TMEM119: variants seen among roughly 807,000 people sequenced by gnomAD.
TMEM119 encodes transmembrane protein 119, also known as osteoblast induction factor.
For missense variants in TMEM119, 410 were observed against 381.0 expected (o/e 1.08, Z -0.63); for synonymous variants, 182 against 176.4 (o/e 1.03, Z -0.25).
Position 108,592,367 on chromosome 12 carries a change from G to A in TMEM119, c.17C>T (p.Ala6Val). Reference sequence around the variant, plus strand: ...CAACAGAAGGATGAGGAGGCTGGGGGCTGCCGCCGAAACCATGGTGCCCCC... The same window carrying A: ...CAACAGAAGGATGAGGAGGCTGGGGACTGCCGCCGAAACCATGGTGCCCCC... MVSAA[A>V]PSLLILLLLL... is the part of the protein sequence containing the mutation. Residue 6 changes from alanine (A) to valine (V), a missense_variant, in exon 2 of 2, where the codon GCC becomes GTC. Transcript: ENST00000392806. The surrounding 1 kb of genome is among the most constrained non-coding windows in gnomAD (Gnocchi z 4.3). 1 of 1,560,596 alleles carries A rather than the reference G, an allele frequency of 6.4e-7. No homozygotes were observed. Among genetic ancestry groups the A allele is most frequent in the Non-Finnish European group, 8.6e-7 (1 of 1,160,782 alleles).
intron 1 of TMEM119, among the ~76,000 whole-genome samples, chr12:108,595,603 A>T (rs1402159443): frequency 6.6e-6 from 1 of 151,612 alleles, no homozygotes; most frequent in Non-Finnish European, 1.5e-5. Flanking sequence ...TCATACACAC[A>T]TGCACACACC....
In TMEM119 at chr12:108,591,891, C is replaced by G. The variant is rs754509784; in HGVS notation, c.493G>C (p.Ala165Pro). 1.2e-6 allele frequency: 2 copies of G among 1,611,770 alleles called. No homozygotes were observed. Among genetic ancestry groups the G allele is most frequent in the East Asian group, 4.5e-5 (2 of 44,856 alleles). The change falls in exon 2 of 2, where the codon GCC becomes CCC. Residue 165 changes from alanine (A) to proline (P), a missense_variant. By Grantham distance (27) the Ala-to-Pro change is conservative. Transcript: ENST00000392806. The surrounding 1 kb of genome is among the most constrained non-coding windows in gnomAD (Gnocchi z 4.2). ...TGGAGCTGCCGGGAGGAATCCAGGG[C>G]TTCCTCGGGCCTGCTGTCGGGGGCT... is the stretch of plus-strand genomic sequence containing the variant. ...DRAPDSRPEE[A>P]LDSSRQLQAD...
Position 108,591,575 on chromosome 12 carries a change from G to A in TMEM119, c.809C>T (p.Pro270Leu). 2 of 1,612,696 alleles carry A rather than the reference G, an allele frequency of 1.2e-6. No individual in the cohort carries two copies. The highest frequency in any genetic ancestry group is 1.7e-6 in the Non-Finnish European group (2 of 1,179,352). The change falls in exon 2 of 2, where the codon CCC becomes CTC. Residue 270 changes from proline to leucine, a missense_variant. By Grantham distance (98) the Pro-to-Leu change is moderately conservative. Transcript: ENST00000392806. The surrounding 1 kb of genome is among the most constrained non-coding windows in gnomAD (Gnocchi z 4.2). ...AQEAQGPVGP[P>L]ESPCACSSVH... Reference sequence around the variant, plus strand: ...ACTGCTGCAAGCACAGGGGCTTTCGGGGGGACCCACTGGTCCCTGGGCTTC... The same window carrying A: ...ACTGCTGCAAGCACAGGGGCTTTCGAGGGGACCCACTGGTCCCTGGGCTTC...
chr12:108,596,063 G>A (rs1036819425), intron 1 of TMEM119, among the ~76,000 whole-genome samples: 2 of 152,216 alleles, frequency 1.3e-5, no homozygotes, highest in African/African-American at 4.8e-5. Context: ...GGGACAGGGT[G>A]ACCACAGGTA....
At chr12:108,595,959 C>T (rs1264174550) in intron 1 of TMEM119, among the ~76,000 whole-genome samples, 1 of 152,186 alleles carries the variant, frequency 6.6e-6, no homozygotes, top group Admixed American at 6.5e-5. Flanking sequence ...GCTGGAGACC[C>T]ACTCAAGTTC....
Position 108,593,708 on chromosome 12 carries a change from G to A in TMEM119, c.-14-1311C>T, listed in dbSNP as rs569121779. On this transcript the variant is annotated intron_variant, in intron 1 of 1. Coordinates refer to ENST00000392806, the MANE Select transcript of TMEM119 (RefSeq NM_181724.3). ...CCTGCCCTGATGGAAGGCTGCTCCC[G>A]GGTGAACCCCAAGACCCCACCTGGC... Among the ~76,000 whole-genome samples, 7 of 152,320 alleles carry A rather than the reference G, an allele frequency of 4.6e-5. 1 individual carries two copies. In the South Asian group the frequency reaches 8.3e-4, roughly 18 times the overall value.
In TMEM119 at chr12:108,591,894, C is replaced by A; in HGVS notation, c.490G>T (p.Glu164Ter). The change falls in exon 2 of 2, where the codon GAA (glutamate) becomes TAA (stop). Residue 164 changes from glutamate to a stop codon, truncating the protein, a stop_gained. Coordinates refer to ENST00000392806, the MANE Select transcript of TMEM119 (RefSeq NM_181724.3). LOFTEE classifies it low-confidence loss of function (END_TRUNC). The surrounding 1 kb of genome is among the most constrained non-coding windows in gnomAD (Gnocchi z 4.2). The stretch of plus-strand genomic sequence containing the variant: ...AGCTGCCGGGAGGAATCCAGGGCTT[C>A]CTCGGGCCTGCTGTCGGGGGCTCTG... Reference protein sequence around the residue: ...PDRAPDSRPEEALDSSRQLQA... With the variant: ...PDRAPDSRPE 1 of 1,612,232 alleles carries A rather than the reference C, an allele frequency of 6.2e-7. No individual in the cohort carries two copies.
chr12:108,591,524 G>A lies in TMEM119; in HGVS notation c.*8C>T, dbSNP rs754041509. 7 of 1,574,550 alleles carry A rather than the reference G, an allele frequency of 4.4e-6. No homozygotes were observed. Among genetic ancestry groups the A allele is most frequent in the Non-Finnish European group, 5.2e-6 (6 of 1,158,990 alleles). The stretch of plus-strand genomic sequence containing the variant: ...CCGACAGTCAGGGCTGGCAGCCCGG[G>A]AGGACTGTTAGACACTGGGGTGGAC... On this transcript the variant is annotated 3_prime_UTR_variant, in exon 2 of 2. Transcript: ENST00000392806. The surrounding 1 kb of genome is among the most constrained non-coding windows in gnomAD (Gnocchi z 4.2).
At chr12:108,596,548 A>G (rs2031507761) in intron 1 of TMEM119, among the ~76,000 whole-genome samples, 1 of 151,748 alleles carries the variant, frequency 6.6e-6, no homozygotes, top group Admixed American at 6.6e-5. Context: ...GCACCCCACA[A>G]CCCCTCCTGG....
At position 108,591,703 on chromosome 12, in the gene TMEM119, C is replaced by T. The variant is rs112991728; in HGVS notation, c.681G>A (p.Glu227=). 42,276 of 1,613,134 alleles carry T rather than the reference C, an allele frequency of 0.026. 1,392 individuals are homozygous for T. Among genetic ancestry groups the T allele is most frequent in the African/African-American group, 0.14 (10,715 of 74,980 alleles). The change falls in exon 2 of 2, where the codon GAG becomes GAA. Residue 227 remains glutamate, a synonymous_variant. Transcript: ENST00000392806. This position sits in a 1 kb window ranked among gnomAD's most constrained non-coding sequence, Gnocchi z 4.2. The part of the protein sequence containing the change: ...QEVQGHGVPV[E]TPEAQEEPCS... ...ACGGCTCCTCCTGCGCCTCTGGTGT[C>T]TCCACTGGGACCCCATGTCCCTGGA...
At chr12:108,594,907 T>A (rs1300034390) in intron 1 of TMEM119, among the ~76,000 whole-genome samples, 1 of 152,146 alleles carries the variant, frequency 6.6e-6, no homozygotes, top group Non-Finnish European at 1.5e-5. Context: ...TATTAAAATA[T>A]TTCAATTTTT....
At chr12:108,595,351 ACACAATCATACACACATGCACACACAC>A (rs1273323211) in intron 1 of TMEM119, among the ~76,000 whole-genome samples, 1 of 102,978 alleles carries the variant, frequency 9.7e-6, no homozygotes, top group Admixed American at 8.4e-5. Context: ...TGCACAGACT[ACACAATCATACACACATGCACACACAC>A]CACACACAAC....
rs999949987 is a variant in TMEM119, at chr12:108,590,272, A to T, written c.*1260T>A. 2 of 152,164 alleles carry T rather than the reference A, an allele frequency of 1.3e-5. No homozygotes were observed. The highest frequency in any genetic ancestry group is 2.9e-5 in the Non-Finnish European group (2 of 68,040). 9.4% of individuals were successfully genotyped at this position (152,164 alleles called of 1,614,324 possible). A position where few individuals can be genotyped will look rare whatever the true frequency, so the allele number is the denominator to read the frequency against. On this transcript the variant is annotated 3_prime_UTR_variant, in exon 2 of 2. Coordinates refer to ENST00000392806, the MANE Select transcript of TMEM119 (RefSeq NM_181724.3). ...CGGGGGTGCTTGGAGAGCGCTTGAG[A>T]GGATTTAAATGCCCTATACCCCACA...
In TMEM119 at chr12:108,591,727, G is replaced by A. The variant is rs1235857331; in HGVS notation, c.657C>T (p.Val219=). The change falls in exon 2 of 2, where the codon GTC becomes GTT. Residue 219 remains valine (V), a synonymous_variant. Coordinates refer to ENST00000392806, the MANE Select transcript of TMEM119 (RefSeq NM_181724.3). This position sits in a 1 kb window ranked among gnomAD's most constrained non-coding sequence, Gnocchi z 4.2. ...TCTCCACTGGGACCCCATGTCCCTG[G>A]ACTTCCTGGTCCCCCTCCTGGCTGC... ...EKGSQEGDQE[V]QGHGVPVETP... 2 of 1,609,094 alleles carry A rather than the reference G, an allele frequency of 1.2e-6. No individual in the cohort carries two copies. Among genetic ancestry groups the A allele is most frequent in the Non-Finnish European group, 1.7e-6 (2 of 1,177,494 alleles).
intron 1 of TMEM119, among the ~76,000 whole-genome samples, chr12:108,593,451 GA>G (rs75537287): frequency 1.4e-3 from 203 of 141,422 alleles, no homozygotes; most frequent in Middle Eastern, 7.2e-3. Flanking sequence ...ATCTCAAGAA[GA>G]AAAAAAAAAA....
rs1205205407 is a variant in TMEM119 at position 108,598,061 on chromosome 12, C to G, written c.-106G>C. On this transcript the variant is annotated 5_prime_UTR_variant, in exon 1 of 2. Transcript: ENST00000392806. ...GGAAGAGAGAGTCCGTGCTGGTGCC[C>G]GGGGCTGCTCTGGGCTGGCGCCTGC... 1 of 152,500 alleles carries G rather than the reference C, an allele frequency of 6.6e-6. No homozygotes were observed. 9.4% of individuals were successfully genotyped at this position (152,500 alleles called of 1,614,324 possible).
rs1484710500 is a variant in TMEM119, at chr12:108,591,580, A to T, written c.804T>A (p.Gly268=). 7.4e-6 allele frequency: 12 copies of T among 1,612,434 alleles called. No homozygotes were observed. The highest frequency in any genetic ancestry group is 1.0e-5 in the Non-Finnish European group (12 of 1,179,396). Residue 268 remains glycine, a synonymous_variant, in exon 2 of 2, where the codon GGT becomes GGA. Coordinates refer to ENST00000392806, the MANE Select transcript of TMEM119 (RefSeq NM_181724.3). This position sits in a 1 kb window ranked among gnomAD's most constrained non-coding sequence, Gnocchi z 4.2. ...LLAQEAQGPV[G]PPESPCACSS... ...TGCAAGCACAGGGGCTTTCGGGGGGACCCACTGGTCCCTGGGCTTCCTGGG... is the reference window on the plus strand; with the variant it reads ...TGCAAGCACAGGGGCTTTCGGGGGGTCCCACTGGTCCCTGGGCTTCCTGGG...
chr12:108,590,424 G>C lies in TMEM119; in HGVS notation c.*1108C>G, dbSNP rs1171507812. ...TTAAAAAGTAGTTTGGGCCGGGCACGGTGGCTCACGCCTGTAATCCCAGCA... is the reference window on the plus strand; with the variant it reads ...TTAAAAAGTAGTTTGGGCCGGGCACCGTGGCTCACGCCTGTAATCCCAGCA... On this transcript the variant is annotated 3_prime_UTR_variant, in exon 2 of 2. Transcript: ENST00000392806. The C allele has an allele frequency of 6.6e-6, 1 of 152,196 alleles. No individual in the cohort carries two copies. Among genetic ancestry groups the C allele is most frequent in the Admixed American group, 6.5e-5 (1 of 15,278 alleles). The allele number at this position is 152,196 out of a possible 1,614,324, so 9.4% of individuals were successfully genotyped here. A position where few individuals can be genotyped will look rare whatever the true frequency, so the allele number is the denominator to read the frequency against.
chr12:108,597,376 G>C (rs1433476972), intron 1 of TMEM119, among the ~76,000 whole-genome samples: 1 of 151,884 alleles, frequency 6.6e-6, no homozygotes, highest in Non-Finnish European at 1.5e-5. Flanking sequence ...ACATGCCCCC[G>C]ACCCCAGGGC....
Sources: gnomAD v4.1 joint callset for allele counts (sites outside exome capture counted in the v4.1 genomes callset) on GRCh38, gnomAD v4.1.1 for gene constraint, Gnocchi (gnomAD v3.1) non-coding constraint, MANE v1.5 for transcripts, NCBI Gene and HGNC (gene_info 2026-07-23, HGNC 2026-07-21) for gene names.